MSRA: variants seen among roughly 807,000 people sequenced by gnomAD.
The protein encoded by MSRA is methionine sulfoxide reductase A.
A neutral mutation model predicts 31.3 loss-of-function variants in MSRA; 54 were observed. The observed-to-expected ratio is 1.73, with a 90% CI of 1.39 to 2.17. The LOEUF (loss-of-function observed/expected upper bound fraction) is 2.17. Ranked by LOEUF, MSRA falls within the 30% of genes most tolerant of loss-of-function variation. The pLI is 0.00. For synonymous variants in MSRA, 169 were observed against 116.5 expected (o/e 1.45, Z -2.90); for missense variants, 507 against 300.9 (o/e 1.69, Z -5.07).
chr8:10,125,379 C>G (rs1335284495), intron 1 of MSRA, among the ~76,000 whole-genome samples: 1 of 152,098 alleles, frequency 6.6e-6, no homozygotes, highest in Non-Finnish European at 1.5e-5. Flanking sequence ...CAGGCTTGAC[C>G]CAAGCCTGGA....
At chr8:10,423,437 A>ACT (rs1585749110) in intron 5 of MSRA, among the ~76,000 whole-genome samples, 2 of 151,248 alleles carry the variant, frequency 1.3e-5, no homozygotes, top group East Asian at 3.9e-4. Flanking sequence ...GGCTCAGGAG[A>ACT]CTGGCATGCA....
At chr8:10,317,103 A>T (rs770751141) in intron 4 of MSRA, among the ~76,000 whole-genome samples, 6 of 152,186 alleles carry the variant, frequency 3.9e-5, no homozygotes, top group African/African-American at 7.2e-5. Flanking sequence ...TTTTCAACCA[A>T]CATGGACAGT....
At chr8:10,396,697 A>G (rs1807117916) in intron 5 of MSRA, among the ~76,000 whole-genome samples, 1 of 152,230 alleles carries the variant, frequency 6.6e-6, no homozygotes, top group African/African-American at 2.4e-5. Flanking sequence ...AACTGCCCTT[A>G]GAAATGTTTC....
chr8:10,161,994 G>T (rs747474476), intron 1 of MSRA, among the ~76,000 whole-genome samples: 1 of 152,332 alleles, frequency 6.6e-6, no homozygotes, highest in East Asian at 1.9e-4. Flanking sequence ...ATCCCAGCTC[G>T]CAGCAGGTGC....
At chr8:10,063,802 A>G (rs745309853) in intron 1 of MSRA, among the ~76,000 whole-genome samples, 1 of 152,216 alleles carries the variant, frequency 6.6e-6, no homozygotes, top group African/African-American at 2.4e-5. Context: ...GTGAGAAAGA[A>G]GCTCCTATTA....
At chr8:10,394,525 A>G (rs543298960) in intron 5 of MSRA, among the ~76,000 whole-genome samples, 1 of 152,336 alleles carries the variant, frequency 6.6e-6, no homozygotes, top group African/African-American at 2.4e-5. Context: ...TTTTCTCTAT[A>G]TCATCTCACT....
In MSRA at chr8:10,097,931, C is replaced by T. The variant is rs528421165; in HGVS notation, c.142+43273C>T. On this transcript the variant is annotated intron_variant, in intron 1 of 5. Transcript: ENST00000317173. ...CTGAAGTTTCTTACCAATAGAAATT[C>T]TCTCTGGCCTACACATTACATAGCT... Among the ~76,000 whole-genome samples, 115 of 152,170 alleles carry T rather than the reference C, an allele frequency of 7.6e-4. 2 individuals are homozygous for T. The South Asian group carries it at 0.014, about 18-fold the overall frequency.
chr8:10,152,029 G>C (rs188150256), intron 1 of MSRA, among the ~76,000 whole-genome samples: 1 of 152,188 alleles, frequency 6.6e-6, no homozygotes, highest in Non-Finnish European at 1.5e-5. Context: ...TTCTGAAGTA[G>C]TTTCTTATTT....
intron 1 of MSRA, among the ~76,000 whole-genome samples, chr8:10,112,273 G>A (rs1563108476): frequency 1.3e-5 from 2 of 152,298 alleles, no homozygotes; most frequent in East Asian, 3.9e-4. Context: ...AAAAGAGACT[G>A]ACCATCTTGA....
At chr8:10,169,678 C>G (rs1322584415) in intron 1 of MSRA, among the ~76,000 whole-genome samples, 1 of 152,208 alleles carries the variant, frequency 6.6e-6, no homozygotes, top group Non-Finnish European at 1.5e-5. Flanking sequence ...AAAGACAAAT[C>G]TTGCCCATGT....
intron 1 of MSRA, among the ~76,000 whole-genome samples, chr8:10,078,873 C>G (rs1798134124): frequency 2.6e-5 from 4 of 152,228 alleles, no homozygotes; most frequent in Non-Finnish European, 5.9e-5. Context: ...GGATGCCTTC[C>G]TTATCCTTAA....
intron 1 of MSRA, among the ~76,000 whole-genome samples, chr8:10,151,986 C>A (rs997579231): frequency 6.6e-6 from 1 of 152,120 alleles, no homozygotes; most frequent in Non-Finnish European, 1.5e-5. Flanking sequence ...CAATTTATTG[C>A]GTCTGTTTTA....
intron 5 of MSRA, among the ~76,000 whole-genome samples, chr8:10,406,714 T>A (rs964485490): frequency 2.0e-5 from 3 of 152,218 alleles, no homozygotes; most frequent in Non-Finnish European, 4.4e-5. Context: ...TCTCCCCTGC[T>A]CTGTGCTTGT....
intron 5 of MSRA, among the ~76,000 whole-genome samples, chr8:10,339,581 G>A (rs10086721): frequency 4.2e-5 from 5 of 119,180 alleles, no homozygotes; most frequent in African/African-American, 1.3e-4. Context: ...TCGTTCTGTC[G>A]CCCAGGCTGG....
intron 1 of MSRA, among the ~76,000 whole-genome samples, chr8:10,090,424 A>G (rs2128927221): frequency 6.6e-6 from 1 of 152,318 alleles, no homozygotes; most frequent in South Asian, 2.1e-4. Flanking sequence ...GAGTTTAGTT[A>G]ATGTATAGTA....
intron 5 of MSRA, chr8:10,337,628 G>T (rs777026111): frequency 7.3e-6 from 5 of 681,854 alleles, no homozygotes; most frequent in Non-Finnish European, 1.3e-5. Flanking sequence ...CCTGATATTG[G>T]ATATTGTCAC....
At chr8:10,088,293 A>G (rs1798674763) in intron 1 of MSRA, among the ~76,000 whole-genome samples, 1 of 152,216 alleles carries the variant, frequency 6.6e-6, no homozygotes. Flanking sequence ...CAGAAGTTAA[A>G]AATGGAACTT....
intron 3 of MSRA, among the ~76,000 whole-genome samples, chr8:10,292,306 G>A (rs990743580): frequency 1.8e-4 from 28 of 152,284 alleles, no homozygotes; most frequent in African/African-American, 5.5e-4. Flanking sequence ...GGGCTCCTCC[G>A]GCCCATACGT....
intron 5 of MSRA, among the ~76,000 whole-genome samples, chr8:10,359,671 C>T (rs1011790233): frequency 6.6e-6 from 1 of 152,134 alleles, no homozygotes; most frequent in African/African-American, 2.4e-5. Flanking sequence ...CCTTCCACTG[C>T]TGCCACCAAG....
Sources: allele counts gnomAD v4.1 joint callset (sites outside exome capture counted in the v4.1 genomes callset), GRCh38; gene constraint gnomAD v4.1.1; transcripts MANE v1.5; gene names NCBI Gene and HGNC (gene_info 2026-07-23, HGNC 2026-07-21).